The following LANCL2 variants were observed in gnomAD, a reference collection of about 807,000 sequenced individuals.
LANCL2 encodes the protein lanC-like protein 2.
Under a neutral mutation model 56.9 loss-of-function variants are expected in LANCL2, and 33 were observed. That is an observed-to-expected ratio of 0.58 (90% confidence interval 0.44 to 0.78). The LOEUF (loss-of-function observed/expected upper bound fraction) is 0.78, where lower values mean the gene tolerates loss of function less well. Ranked by LOEUF, LANCL2 falls within the 30% of genes least tolerant of loss-of-function variation. The pLI is 0.00. For missense variants in LANCL2, 562 were observed against 580.2 expected (o/e 0.97, Z 0.32); for synonymous variants, 233 against 228.2 (o/e 1.02, Z -0.19).
At chr7:55,387,445 T>C (rs1327760893) in intron 1 of LANCL2, among the ~76,000 whole-genome samples, 4 of 151,812 alleles carry the variant, frequency 2.6e-5, no homozygotes, top group Non-Finnish European at 5.9e-5. Context: ...ATCCTAGGCC[T>C]CCTCCAGGGG....
At chr7:55,372,418 C>G (rs150202265) in intron 1 of LANCL2, among the ~76,000 whole-genome samples, 62 of 150,888 alleles carry the variant, frequency 4.1e-4, no homozygotes, top group African/African-American at 1.4e-3. Flanking sequence ...ACCTCATCAA[C>G]TTGATGTAAA....
At chr7:55,392,911 C>CT (rs893423708) in intron 2 of LANCL2, among the ~76,000 whole-genome samples, 2 of 152,114 alleles carry the variant, frequency 1.3e-5, no homozygotes, top group African/African-American at 2.4e-5. Flanking sequence ...AGTGGTCTCT[C>CT]TGTTCTGTGA....
In LANCL2 at chr7:55,377,645, G is replaced by A. The variant is rs192976917; in HGVS notation, c.204+11416G>A. On this transcript the variant is annotated intron_variant, in intron 1 of 8. Transcript: ENST00000254770. The stretch of plus-strand genomic sequence containing the variant: ...AATAGATGCAGTGACACCTCACAAG[G>A]GGTTTTACAACCAGTGATTAATATC... 2.0e-5 allele frequency among the ~76,000 whole-genome samples: 3 copies of A among 152,190 alleles called. No homozygotes were observed. In the East Asian group the frequency reaches 5.8e-4, roughly 29 times the overall value.
intron 6 of LANCL2, among the ~76,000 whole-genome samples, chr7:55,413,016 C>T (rs1378111616): frequency 6.6e-6 from 1 of 152,192 alleles, no homozygotes. Flanking sequence ...GCTAATTTCT[C>T]AGAAATTTTT....
At chr7:55,403,308 C>T (rs1484118415) in intron 5 of LANCL2, among the ~76,000 whole-genome samples, 24 of 152,092 alleles carry the variant, frequency 1.6e-4, no homozygotes, top group Non-Finnish European at 2.5e-4. Context: ...TCAGGCATGG[C>T]GGCGCGCGCC....
chr7:55,366,353 C>G (rs1003664424), intron 1 of LANCL2, 124 bp downstream of exon 1: 2 of 784,006 alleles, frequency 2.6e-6, no homozygotes, highest in African/African-American at 1.8e-5. Context: ...ATGATAGCGC[C>G]TAGCACCTGT....
At chr7:55,410,733 T>A (rs1412604647) in intron 5 of LANCL2, among the ~76,000 whole-genome samples, 1 of 152,176 alleles carries the variant, frequency 6.6e-6, no homozygotes, top group African/African-American at 2.4e-5. Flanking sequence ...CCTGAGACGT[T>A]CTGTGGTGCT....
intron 2 of LANCL2, 63 bp downstream of exon 2, chr7:55,391,973 G>A: frequency 1.0e-6 from 1 of 970,216 alleles, no homozygotes; most frequent in South Asian, 1.4e-5. Flanking sequence ...TGTAAGACTT[G>A]ACTGAAATTT....
intron 6 of LANCL2, among the ~76,000 whole-genome samples, chr7:55,419,535 G>A (rs1238813159): frequency 6.6e-6 from 1 of 150,824 alleles, no homozygotes; most frequent in Non-Finnish European, 1.5e-5. Flanking sequence ...CCATGTAGTC[G>A]CGATTACAGA....
intron 5 of LANCL2, among the ~76,000 whole-genome samples, chr7:55,402,839 C>T (rs1295143560): frequency 4.4e-5 from 6 of 136,044 alleles, no homozygotes; most frequent in Non-Finnish European, 6.4e-5. Context: ...ACATCCCAGA[C>T]GGGGCGGCAG....
chr7:55,426,248 T>G (rs1178178565), intron 7 of LANCL2, among the ~76,000 whole-genome samples: 2 of 152,214 alleles, frequency 1.3e-5, no homozygotes, highest in Non-Finnish European at 2.9e-5. Flanking sequence ...ACACTAGTAC[T>G]TGGAGCAGTG....
chr7:55,431,480 T>G lies in LANCL2; in HGVS notation c.*160T>G. The G allele has an allele frequency of 1.8e-6, 1 of 552,426 alleles. No individual in the cohort carries two copies. The highest frequency in any genetic ancestry group is 2.5e-5 in the South Asian group (1 of 39,538). 34.2% of individuals were successfully genotyped at this position (552,426 alleles called of 1,614,324 possible). A position where few individuals can be genotyped will look rare whatever the true frequency, so the allele number is the denominator to read the frequency against. ...GAGTGACCGAAGCCATCCATCAACA[T>G]TTTCTAACAGCACCCTCATCAATAT... On this transcript the variant is annotated 3_prime_UTR_variant, in exon 9 of 9. Coordinates refer to ENST00000254770, the MANE Select transcript of LANCL2 (RefSeq NM_018697.4).
chr7:55,403,460 G>A lies in LANCL2; in HGVS notation c.825+2140G>A, dbSNP rs373587365. Among the ~76,000 whole-genome samples the A allele has an allele frequency of 1.3e-3, 200 of 151,934 alleles. 11 individuals are homozygous for A. In the South Asian group the frequency reaches 0.041, roughly 31 times the overall value. On this transcript the variant is annotated intron_variant, in intron 5 of 8. Coordinates refer to ENST00000254770, the MANE Select transcript of LANCL2 (RefSeq NM_018697.4). ...AAGAGAGGGAGAGGGAGAGGGAGAG[G>A]AGGGAGAGGGAGAGGAGGAGCCTTT...
Position 55,432,613 on chromosome 7 carries a change from C to G in LANCL2, c.*1293C>G, listed in dbSNP as rs1283014857. ...AGAGGCCTCTCTTAACAGCCCAGTCCTTGTCTGCAGGGGGAGGCCTGAGCA... is the reference window on the plus strand; with the variant it reads ...AGAGGCCTCTCTTAACAGCCCAGTCGTTGTCTGCAGGGGGAGGCCTGAGCA... On this transcript the variant is annotated 3_prime_UTR_variant, in exon 9 of 9. Transcript: ENST00000254770. The G allele has an allele frequency of 1.3e-5, 2 of 152,184 alleles. No individual in the cohort carries two copies. Among genetic ancestry groups the G allele is most frequent in the African/African-American group, 2.4e-5 (1 of 41,430 alleles). The allele number at this position is 152,184 out of a possible 1,614,324, so 9.4% of individuals were successfully genotyped here.
At chr7:55,397,962 A>G (rs1300618978) in intron 2 of LANCL2, among the ~76,000 whole-genome samples, 1 of 152,186 alleles carries the variant, frequency 6.6e-6, no homozygotes, top group African/African-American at 2.4e-5. Flanking sequence ...AAAAATAGAA[A>G]AAAAAATAGG....
chr7:55,420,132 T>C (rs1282587588), intron 6 of LANCL2, among the ~76,000 whole-genome samples: 1 of 152,240 alleles, frequency 6.6e-6, no homozygotes, highest in Non-Finnish European at 1.5e-5. Context: ...CTTTGCTCTT[T>C]TCTAACTTTT....
Position 55,380,790 on chromosome 7 carries a change from G to A in LANCL2, c.205-11003G>A, listed in dbSNP as rs537229259. Among the ~76,000 whole-genome samples, 15 of 150,676 alleles carry A rather than the reference G, an allele frequency of 1.0e-4. No homozygotes were observed. In the South Asian group the frequency reaches 1.9e-3, roughly 19 times the overall value. ...GAGAAGGAGGGAGGTTCTGTAGAGCGTGTTACAGTGTATGATTGGAGGAGG... is the reference window on the plus strand; with the variant it reads ...GAGAAGGAGGGAGGTTCTGTAGAGCATGTTACAGTGTATGATTGGAGGAGG... On this transcript the variant is annotated intron_variant, in intron 1 of 8. Coordinates refer to ENST00000254770, the MANE Select transcript of LANCL2 (RefSeq NM_018697.4).
intron 6 of LANCL2, among the ~76,000 whole-genome samples, chr7:55,415,303 A>G (rs1038592802): frequency 7.2e-5 from 11 of 152,220 alleles, no homozygotes; most frequent in African/African-American, 2.7e-4. Flanking sequence ...GCTGAACTGA[A>G]TCTGGCAGCA....
intron 1 of LANCL2, among the ~76,000 whole-genome samples, chr7:55,376,997 T>C (rs913308420): frequency 1.3e-5 from 2 of 152,254 alleles, no homozygotes; most frequent in Non-Finnish European, 2.9e-5. Context: ...TTTTATCATA[T>C]ATGAAGTTGT....
Sources: allele counts gnomAD v4.1 joint callset (sites outside exome capture counted in the v4.1 genomes callset), GRCh38; gene constraint gnomAD v4.1.1; transcripts MANE v1.5; gene names NCBI Gene and HGNC (gene_info 2026-07-23, HGNC 2026-07-21).